SEMA4D: variants seen among roughly 807,000 people sequenced by gnomAD.
SEMA4D encodes the protein semaphorin-4D.
A neutral mutation model predicts 74.8 loss-of-function variants in SEMA4D; 22 were observed. That is an observed-to-expected ratio of 0.29 (90% CI 0.21 to 0.42). SEMA4D has a LOEUF of 0.42. SEMA4D is among the 10% of genes least tolerant of loss of function. SEMA4D has a pLI of 1.00. For missense variants in SEMA4D, 937 were observed against 1,118.4 expected (o/e 0.84, Z 2.31); for synonymous variants, 445 against 463.7 (o/e 0.96, Z 0.52).
At chr9:89,396,601 C>T (rs1246142309) in intron 6 of SEMA4D, 136 bp downstream of exon 6, 6 of 742,054 alleles carry the variant, frequency 8.1e-6, no homozygotes, top group African/African-American at 3.5e-5. Flanking sequence ...AAGCTGCCCC[C>T]GTTTTCTGCA....
At chr9:89,369,975 G>A (rs1026646289) in intron 16 of SEMA4D, among the ~76,000 whole-genome samples, 3 of 151,916 alleles carry the variant, frequency 2.0e-5, no homozygotes, top group African/African-American at 7.3e-5. Context: ...TGCAGTATGT[G>A]TGGTGGTGTG....
chr9:89,462,497 C>G (rs1040337470), intron 1 of SEMA4D, among the ~76,000 whole-genome samples: 8 of 152,134 alleles, frequency 5.3e-5, no homozygotes, highest in African/African-American at 1.7e-4. Context: ...CTGTGGCATA[C>G]CCACTTAAGG....
At chr9:89,470,121 G>T (rs1413592215) in intron 1 of SEMA4D, among the ~76,000 whole-genome samples, 1 of 152,120 alleles carries the variant, frequency 6.6e-6, no homozygotes, top group Non-Finnish European at 1.5e-5. Flanking sequence ...TCAACATTTG[G>T]GAAATTGATA....
At chr9:89,367,470 T>C (rs1349921155) in intron 16 of SEMA4D, 1 of 152,262 alleles carries the variant, frequency 6.6e-6, no homozygotes, top group Non-Finnish European at 1.5e-5. Flanking sequence ...TTGGCCTCTG[T>C]GGGGTGGGGA....
At chr9:89,382,868 A>G (rs954969279) in intron 13 of SEMA4D, among the ~76,000 whole-genome samples, 1 of 151,166 alleles carries the variant, frequency 6.6e-6, no homozygotes, top group African/African-American at 2.4e-5. Flanking sequence ...CCCCAAAGAG[A>G]GGCTTGAGGG....
intron 1 of SEMA4D, among the ~76,000 whole-genome samples, chr9:89,459,482 A>G (rs1301690861): frequency 1.6e-4 from 24 of 152,212 alleles, no homozygotes; most frequent in Admixed American, 1.6e-3. Flanking sequence ...AGGGAGTGAG[A>G]TACTGATAAG....
intron 13 of SEMA4D, among the ~76,000 whole-genome samples, chr9:89,382,201 C>T (rs76732575): frequency 0.017 from 2,553 of 152,336 alleles, 39 homozygotes; most frequent in Non-Finnish European, 0.027. Context: ...GAGGGTGCCC[C>T]ACATGCAGTG....
intron 2 of SEMA4D, among the ~76,000 whole-genome samples, chr9:89,420,035 C>T (rs1039677244): frequency 6.6e-6 from 1 of 152,218 alleles, no homozygotes; most frequent in Admixed American, 6.5e-5. Flanking sequence ...ATCATATTCA[C>T]GGTAATTTTG....
At chr9:89,462,857 T>C (rs1410260548) in intron 1 of SEMA4D, among the ~76,000 whole-genome samples, 1 of 93,794 alleles carries the variant, frequency 1.1e-5, no homozygotes, top group Non-Finnish European at 2.1e-5. Flanking sequence ...GGCAGGAGGA[T>C]CACATGAGCC....
intron 15 of SEMA4D, among the ~76,000 whole-genome samples, chr9:89,380,025 AAACTT>A (rs1170501333): frequency 6.6e-6 from 1 of 152,066 alleles, no homozygotes; most frequent in African/African-American, 2.4e-5. Context: ...CCTCCTGCCT[AAACTT>A]TTCTTTTTTT....
At chr9:89,483,195 G>A (rs189931656) in intron 1 of SEMA4D, among the ~76,000 whole-genome samples, 1 of 152,338 alleles carries the variant, frequency 6.6e-6, no homozygotes, top group African/African-American at 2.4e-5. Context: ...CATCCAGGAC[G>A]CAGCCGCTGC....
At chr9:89,412,816 T>C (rs1587695878) in intron 2 of SEMA4D, among the ~76,000 whole-genome samples, 1 of 152,178 alleles carries the variant, frequency 6.6e-6, no homozygotes, top group Admixed American at 6.5e-5. Context: ...CACATTTTCT[T>C]TGTGACACTG....
At chr9:89,467,307 T>A (rs1452378132) in intron 1 of SEMA4D, among the ~76,000 whole-genome samples, 2 of 151,856 alleles carry the variant, frequency 1.3e-5, no homozygotes, top group Admixed American at 6.6e-5. Context: ...CATCTGATGC[T>A]CCCTCCGAGG....
At chr9:89,394,225 T>C (rs939362482) in intron 6 of SEMA4D, among the ~76,000 whole-genome samples, 7 of 152,136 alleles carry the variant, frequency 4.6e-5, no homozygotes, top group Non-Finnish European at 1.0e-4. Flanking sequence ...GGGGGTCCTC[T>C]CTTTACCTGG....
At chr9:89,456,037 C>T (rs1855849261) in intron 1 of SEMA4D, 84 bp from the exon 2 acceptor site, 2 of 152,248 alleles carry the variant, frequency 1.3e-5, no homozygotes, top group African/African-American at 4.8e-5. Flanking sequence ...AATTCCATAC[C>T]CCAACCCTGT....
chr9:89,436,941 A>G (rs1850561318), intron 2 of SEMA4D, among the ~76,000 whole-genome samples: 1 of 152,206 alleles, frequency 6.6e-6, no homozygotes, highest in South Asian at 2.1e-4. Flanking sequence ...GTCCCGAGGA[A>G]GCAGATGTAG....
intron 2 of SEMA4D, among the ~76,000 whole-genome samples, chr9:89,445,332 C>T (rs1408753036): frequency 6.6e-6 from 1 of 152,190 alleles, no homozygotes; most frequent in Non-Finnish European, 1.5e-5. Context: ...TTTACACTGC[C>T]TGTATGGTTT....
rs75350687 is a variant in SEMA4D, at chr9:89,409,150, T to C, written c.-243-3451A>G. ...AAGACACAGAGGAACTTTAAAAGCT[T>C]ATCATTAAAGAGAAAGAAGCCAATC... On this transcript the variant is annotated intron_variant, in intron 2 of 15. Transcript: ENST00000422704. Among the ~76,000 whole-genome samples, 76 of 152,298 alleles carry C rather than the reference T, an allele frequency of 5.0e-4. No homozygotes were observed. The East Asian group carries it at 0.014, about 28-fold the overall frequency.
At chr9:89,392,367 G>A (rs962403048) in intron 8 of SEMA4D, 56 bp downstream of exon 8, 6 of 1,297,144 alleles carry the variant, frequency 4.6e-6, no homozygotes, top group Non-Finnish European at 6.7e-6. Flanking sequence ...AGATCAACAG[G>A]TGTGCACTCA....
Sources: allele counts gnomAD v4.1 joint callset (sites outside exome capture counted in the v4.1 genomes callset), GRCh38; gene constraint gnomAD v4.1.1; transcripts MANE v1.5; gene names NCBI Gene and HGNC (gene_info 2026-07-23, HGNC 2026-07-21).